Variants in HS6ST3 observed in about 807,000 individuals in gnomAD.
HS6ST3 encodes the protein heparan-sulfate 6-O-sulfotransferase 3.
Under a neutral mutation model 36.7 loss-of-function variants are expected in HS6ST3, and 12 were observed. That is an observed-to-expected ratio of 0.33 (90% CI 0.21 to 0.53). The LOEUF (loss-of-function observed/expected upper bound fraction) is 0.53, where lower values mean the gene tolerates loss of function less well. Ranked by LOEUF, HS6ST3 falls within the 20% of genes least tolerant of loss-of-function variation. The pLI is 0.95. For missense variants in HS6ST3, 584 were observed against 640.9 expected, an observed-to-expected ratio of 0.91 and a Z score of 0.96; for synonymous variants, 240 against 257.5, an observed-to-expected ratio of 0.93 and a Z score of 0.65.
chr13:96,696,298 C>T (rs924950693), intron 1 of HS6ST3, among the ~76,000 whole-genome samples: 8 of 152,076 alleles, frequency 5.3e-5, no homozygotes, highest in East Asian at 1.9e-4. Context: ...GAGGCACACC[C>T]GGATTATCTA....
At chr13:96,650,152 C>G (rs1051121170) in intron 1 of HS6ST3, among the ~76,000 whole-genome samples, 2 of 151,976 alleles carry the variant, frequency 1.3e-5, no homozygotes, top group African/African-American at 2.4e-5. Context: ...ATACCCTGCT[C>G]TACTTTTTCC....
intron 1 of HS6ST3, among the ~76,000 whole-genome samples, chr13:96,413,220 A>C (rs980868667): frequency 7.9e-5 from 12 of 152,208 alleles, no homozygotes; most frequent in Non-Finnish European, 1.5e-4. Context: ...CAGACTAGAT[A>C]ATGTTTCATA....
intron 1 of HS6ST3, among the ~76,000 whole-genome samples, chr13:96,191,083 T>C (rs1195104513): frequency 6.6e-6 from 1 of 152,180 alleles, no homozygotes; most frequent in Non-Finnish European, 1.5e-5. Flanking sequence ...GCCATTCTTA[T>C]GTCTAATTAA....
In HS6ST3 at chr13:96,817,448, T is replaced by C. The variant is rs571877639; in HGVS notation, c.708-15042T>C. 2.0e-5 allele frequency among the ~76,000 whole-genome samples: 3 copies of C among 152,336 alleles called. No individual in the cohort carries two copies. In the South Asian group the frequency reaches 6.2e-4, roughly 32 times the overall value. On this transcript the variant is annotated intron_variant, in intron 1 of 1. Coordinates refer to ENST00000376705, the MANE Select transcript of HS6ST3 (RefSeq NM_153456.4). ...GTCAGAAGTCTGTAGCTTGTCTCTGTAATATACATTAATAGGTAATATTGA... is the reference window on the plus strand; with the variant it reads ...GTCAGAAGTCTGTAGCTTGTCTCTGCAATATACATTAATAGGTAATATTGA...
chr13:96,507,484 T>C (rs556520440), intron 1 of HS6ST3, among the ~76,000 whole-genome samples: 3 of 152,160 alleles, frequency 2.0e-5, no homozygotes, highest in Non-Finnish European at 2.9e-5. Context: ...AGGATCTCAC[T>C]CAGAATAATA....
intron 1 of HS6ST3, among the ~76,000 whole-genome samples, chr13:96,791,293 T>A (rs1877784271): frequency 6.6e-6 from 1 of 152,084 alleles, no homozygotes; most frequent in Non-Finnish European, 1.5e-5. Flanking sequence ...AGTGTTTGCA[T>A]GCTAATTTTC....
At chr13:96,103,808 C>T (rs760313525) in intron 1 of HS6ST3, among the ~76,000 whole-genome samples, 2 of 152,118 alleles carry the variant, frequency 1.3e-5, no homozygotes, top group South Asian at 2.1e-4. Context: ...TTTAGCTCAA[C>T]GACTTGTTAG....
At chr13:96,655,222 C>T (rs1208516826) in intron 1 of HS6ST3, among the ~76,000 whole-genome samples, 1 of 152,100 alleles carries the variant, frequency 6.6e-6, no homozygotes, top group African/African-American at 2.4e-5. Context: ...ATCTAACACA[C>T]TCATGATGAT....
At chr13:96,160,053 T>A (rs1029134644) in intron 1 of HS6ST3, among the ~76,000 whole-genome samples, 1 of 152,248 alleles carries the variant, frequency 6.6e-6, no homozygotes, top group Non-Finnish European at 1.5e-5. Flanking sequence ...ATAATTTGTG[T>A]TCTTAGCAAC....
chr13:96,698,491 G>A (rs1045370156), intron 1 of HS6ST3, among the ~76,000 whole-genome samples: 2 of 152,100 alleles, frequency 1.3e-5, no homozygotes, highest in South Asian at 4.1e-4. Context: ...CAAATCATGA[G>A]TGAACTCCCA....
intron 1 of HS6ST3, among the ~76,000 whole-genome samples, chr13:96,152,127 T>C (rs1214681116): frequency 6.6e-6 from 1 of 152,178 alleles, no homozygotes; most frequent in Non-Finnish European, 1.5e-5. Flanking sequence ...TTGAATACTT[T>C]CTTTTCTGTC....
intron 1 of HS6ST3, among the ~76,000 whole-genome samples, chr13:96,188,807 T>A (rs1175563486): frequency 1.3e-5 from 2 of 152,344 alleles, no homozygotes; most frequent in Middle Eastern, 3.4e-3. Context: ...TTGGGGATAT[T>A]TATTGTCCAT....
intron 1 of HS6ST3, among the ~76,000 whole-genome samples, chr13:96,439,471 A>G (rs2055659479): frequency 6.6e-6 from 1 of 152,258 alleles, no homozygotes; most frequent in African/African-American, 2.4e-5. Flanking sequence ...AATTAATTGT[A>G]AATCACAGCG....
In HS6ST3 at chr13:96,665,160, C is replaced by T. The variant is rs189565310; in HGVS notation, c.708-167330C>T. On this transcript the variant is annotated intron_variant, in intron 1 of 1. Coordinates refer to ENST00000376705, the MANE Select transcript of HS6ST3 (RefSeq NM_153456.4). Reference sequence around the variant, plus strand: ...CACTCCAGCCTGGGCAATAGAGACCCTGTCTCAAAAAGATAAAATAAATAA... The same window carrying T: ...CACTCCAGCCTGGGCAATAGAGACCTTGTCTCAAAAAGATAAAATAAATAA... Among the ~76,000 whole-genome samples, 5 of 152,106 alleles carry T rather than the reference C, an allele frequency of 3.3e-5. No homozygotes were observed. In the East Asian group the frequency reaches 9.7e-4, roughly 30 times the overall value.
At chr13:96,182,099 C>G (rs1223316189) in intron 1 of HS6ST3, among the ~76,000 whole-genome samples, 1 of 152,208 alleles carries the variant, frequency 6.6e-6, no homozygotes, top group African/African-American at 2.4e-5. Flanking sequence ...GCAAAGGAAT[C>G]AGAACATCAG....
intron 1 of HS6ST3, among the ~76,000 whole-genome samples, chr13:96,295,202 T>A (rs566485684): frequency 9.9e-5 from 15 of 152,110 alleles, no homozygotes; most frequent in Non-Finnish European, 2.2e-4. Flanking sequence ...TGAAAATGAT[T>A]CCATTGAAAC....
At chr13:96,725,235 A>G (rs1420352599) in intron 1 of HS6ST3, among the ~76,000 whole-genome samples, 1 of 152,010 alleles carries the variant, frequency 6.6e-6, no homozygotes, top group Non-Finnish European at 1.5e-5. Flanking sequence ...TTAATTATTC[A>G]GTTTTGAGAG....
intron 1 of HS6ST3, among the ~76,000 whole-genome samples, chr13:96,340,145 C>A (rs961118839): frequency 6.6e-6 from 1 of 152,132 alleles, no homozygotes; most frequent in African/African-American, 2.4e-5. Flanking sequence ...TATCTTTTAG[C>A]CACATGTTGC....
chr13:96,349,545 T>A (rs1027606077), intron 1 of HS6ST3, among the ~76,000 whole-genome samples: 1 of 152,230 alleles, frequency 6.6e-6, no homozygotes, highest in Non-Finnish European at 1.5e-5. Context: ...CTCATGAAGA[T>A]TCAGAGTATA....
Sources: allele counts gnomAD v4.1 joint callset (sites outside exome capture counted in the v4.1 genomes callset), GRCh38; gene constraint gnomAD v4.1.1; transcripts MANE v1.5; gene names NCBI Gene and HGNC (gene_info 2026-07-23, HGNC 2026-07-21).